The following BLTP2 variants were observed in gnomAD, a reference collection of about 807,000 sequenced individuals.
BLTP2 encodes bridge-like lipid transfer protein family member 2.
the BLTP2 span, chr17:28,644,843 T>A: frequency 4.1e-5 from 26 of 634,546 alleles, no homozygotes; most frequent in Middle Eastern, 4.5e-4. Context: ...ATCCCTCCCC[T>A]CGCCGCGCGC....
chr17:28,640,864 A>G, the BLTP2 span, among the ~76,000 whole-genome samples: 1 of 152,238 alleles, frequency 6.6e-6, no homozygotes, highest in South Asian at 2.1e-4. Flanking sequence ...TTCTTTCTCC[A>G]GTCTCTAAAA....
At chr17:28,624,635 G>C in the BLTP2 span, among the ~76,000 whole-genome samples, 267 of 152,236 alleles carry the variant, frequency 1.8e-3, 2 homozygotes, top group African/African-American at 5.5e-3. Context: ...AGAAATGCTA[G>C]GTAACATTTT....
the BLTP2 span, chr17:28,628,403 C>G: frequency 6.2e-7 from 1 of 1,614,198 alleles, no homozygotes; most frequent in Non-Finnish European, 8.5e-7. Flanking sequence ...TTCAGGGCCT[C>G]AGTAGAAAGA....
the BLTP2 span, chr17:28,637,853 G>A: frequency 6.2e-7 from 1 of 1,613,954 alleles, no homozygotes; most frequent in Non-Finnish European, 8.5e-7. Flanking sequence ...GGCAGAAAGG[G>A]TAAACAAGTT....
chr17:28,634,021 C>G, the BLTP2 span: 1 of 1,614,044 alleles, frequency 6.2e-7, no homozygotes, highest in African/African-American at 1.3e-5. Flanking sequence ...TCGGTGCCCA[C>G]AAGTCGACCC....
chr17:28,615,026 G>C, the BLTP2 span: 1 of 1,573,532 alleles, frequency 6.4e-7, no homozygotes, highest in Non-Finnish European at 8.6e-7. Flanking sequence ...GCCTGAGCCA[G>C]AGTCAGATCC....
At chr17:28,629,156 GC>G in the BLTP2 span, among the ~76,000 whole-genome samples, 1 of 151,870 alleles carries the variant, frequency 6.6e-6, no homozygotes, top group Admixed American at 6.6e-5. Flanking sequence ...CAATCTTCCT[GC>G]CTTAGTCTCC....
chr17:28,638,942 T>C, the BLTP2 span: 2 of 421,548 alleles, frequency 4.7e-6, no homozygotes, highest in Non-Finnish European at 8.5e-6. Context: ...CCAAGAAGCA[T>C]CACTTCTAAA....
the BLTP2 span, chr17:28,615,835 G>T: frequency 1.2e-6 from 2 of 1,610,090 alleles, no homozygotes; most frequent in Non-Finnish European, 1.7e-6. Context: ...AAAAAAGAGG[G>T]GTGGGGAATA....
At chr17:28,644,934 C>T in the BLTP2 span, 1 of 1,463,596 alleles carries the variant, frequency 6.8e-7, no homozygotes, top group Non-Finnish European at 9.4e-7. Context: ...TTCCTCCTCT[C>T]CGCCCCCTCC....
At chr17:28,643,280 G>A in the BLTP2 span, 1 of 1,614,116 alleles carries the variant, frequency 6.2e-7, no homozygotes, top group Non-Finnish European at 8.5e-7. Flanking sequence ...GTTCTGATAC[G>A]CACTTCTCCA....
chr17:28,635,084 A>G, the BLTP2 span: 1 of 1,613,284 alleles, frequency 6.2e-7, no homozygotes, highest in Non-Finnish European at 8.5e-7. Flanking sequence ...AGAGTTCGAG[A>G]AAAGTCATAC....
chr17:28,643,806 TC>T, the BLTP2 span: 1 of 898,180 alleles, frequency 1.1e-6, no homozygotes, highest in Non-Finnish European at 1.8e-6. Flanking sequence ...AACAGTAAAA[TC>T]TTCGATTTCC....
the BLTP2 span, chr17:28,640,737 C>G: frequency 1.9e-6 from 3 of 1,574,550 alleles, no homozygotes; most frequent in Non-Finnish European, 2.6e-6. Context: ...ACTCCCAGTT[C>G]TCCCGAAATG....
At chr17:28,639,950 G>A in the BLTP2 span, 7 of 1,614,108 alleles carry the variant, frequency 4.3e-6, no homozygotes, top group African/African-American at 1.3e-5. Context: ...AGTTTGCTGT[G>A]AAGCTTCGAA....
the BLTP2 span, chr17:28,644,926 C>T: frequency 4.2e-6 from 6 of 1,415,742 alleles, no homozygotes; most frequent in African/African-American, 1.4e-5. Context: ...AGTCTTTCTT[C>T]CTCCTCTCCG....
the BLTP2 span, chr17:28,618,768 G>C: frequency 6.3e-7 from 1 of 1,593,376 alleles, no homozygotes. Context: ...AGCTGCCTTT[G>C]TGTGACCATA....
the BLTP2 span, chr17:28,638,617 T>C: frequency 6.2e-7 from 1 of 1,612,536 alleles, no homozygotes; most frequent in Non-Finnish European, 8.5e-7. Context: ...CTAAAGATGA[T>C]GGGAGCCAGG....
the BLTP2 span, among the ~76,000 whole-genome samples, chr17:28,621,748 G>A: frequency 6.6e-6 from 1 of 152,138 alleles, no homozygotes; most frequent in Non-Finnish European, 1.5e-5. Context: ...TCTCGAGCCA[G>A]AAAAACAATG....
Sources: gnomAD v4.1 joint callset for allele counts (sites outside exome capture counted in the v4.1 genomes callset) on GRCh38, gnomAD v4.1.1 for gene constraint, MANE v1.5 for transcripts, NCBI Gene and HGNC (gene_info 2026-07-23, HGNC 2026-07-21) for gene names.